Variants in CNTN5 observed in about 807,000 individuals in gnomAD.
The protein encoded by CNTN5 is contactin 5, also known as contactin-5.
CNTN5 carries 77 observed loss-of-function variants against 129.1 expected under a neutral mutation model. The ratio of observed to expected loss-of-function variants is 0.60; its 90% CI spans 0.50 to 0.72. CNTN5 has a LOEUF of 0.72. Among genes scored for constraint, CNTN5 ranks in the 30% least tolerant of loss-of-function variants. CNTN5 has a pLI of 0.00. For synonymous variants in CNTN5, 509 were observed against 465.6 expected (o/e 1.09, Z -1.20); for missense variants, 1,478 against 1,328.8 (o/e 1.11, Z -1.75).
At chr11:99,692,425 C>A (rs676789) in intron 3 of CNTN5, among the ~76,000 whole-genome samples, 86,032 of 151,876 alleles carry the variant, frequency 0.57, 24,658 homozygotes, top group African/African-American at 0.61. Context: ...CTTGTAACAC[C>A]GGTCTGGTGG....
At chr11:99,482,626 AC>A (rs1945644896) in intron 2 of CNTN5, among the ~76,000 whole-genome samples, 1 of 152,178 alleles carries the variant, frequency 6.6e-6, no homozygotes, top group Non-Finnish European at 1.5e-5. Context: ...TGAAATAAAA[AC>A]CGAAATCGCT....
intron 2 of CNTN5, among the ~76,000 whole-genome samples, chr11:99,531,814 C>T (rs1479243912): frequency 2.0e-5 from 3 of 152,160 alleles, no homozygotes; most frequent in South Asian, 4.1e-4. Flanking sequence ...TGGGAAAGTT[C>T]GCTTAGATTT....
chr11:99,979,075 T>C (rs1938177384), intron 8 of CNTN5, among the ~76,000 whole-genome samples: 1 of 152,158 alleles, frequency 6.6e-6, no homozygotes, highest in Admixed American at 6.6e-5. Context: ...GATGTAAAGA[T>C]TAGAATAATT....
intron 18 of CNTN5, among the ~76,000 whole-genome samples, chr11:100,291,338 G>A (rs1950963208): frequency 6.6e-6 from 1 of 151,812 alleles, no homozygotes; most frequent in South Asian, 2.1e-4. Context: ...ATTCACAATA[G>A]CGAAGACTTG....
chr11:100,153,146 C>CAAAT (rs1190696386), intron 13 of CNTN5, among the ~76,000 whole-genome samples: 1 of 152,088 alleles, frequency 6.6e-6, no homozygotes, highest in African/African-American at 2.4e-5. Flanking sequence ...CAGCTAGTAT[C>CAAAT]AAATAATCAA....
chr11:99,736,607 A>G (rs1943719342), intron 3 of CNTN5, among the ~76,000 whole-genome samples: 1 of 152,194 alleles, frequency 6.6e-6, no homozygotes, highest in South Asian at 2.1e-4. Context: ...GGGTAAATGT[A>G]TTACTTGTTT....
intron 3 of CNTN5, among the ~76,000 whole-genome samples, chr11:99,563,399 G>A (rs1243295996): frequency 6.6e-6 from 1 of 152,148 alleles, no homozygotes; most frequent in East Asian, 1.9e-4. Context: ...ACAAAAATTT[G>A]AGGAGGAGTG....
At chr11:99,310,601 G>A (rs1293024304) in intron 1 of CNTN5, among the ~76,000 whole-genome samples, 1 of 151,886 alleles carries the variant, frequency 6.6e-6, no homozygotes, top group Non-Finnish European at 1.5e-5. Context: ...AAATAAATAC[G>A]CCTATAAGCC....
At chr11:99,472,275 T>C (rs1458678491) in intron 2 of CNTN5, among the ~76,000 whole-genome samples, 1 of 152,206 alleles carries the variant, frequency 6.6e-6, no homozygotes, top group Non-Finnish European at 1.5e-5. Flanking sequence ...AAGATTGCTT[T>C]GAAAATGCTG....
intron 3 of CNTN5, among the ~76,000 whole-genome samples, chr11:99,574,222 A>G: frequency 6.6e-6 from 1 of 152,180 alleles, no homozygotes; most frequent in East Asian, 1.9e-4. Context: ...ATGTCCCTGC[A>G]AAGGACACAA....
At chr11:99,812,267 G>A (rs1287696743) in intron 3 of CNTN5, among the ~76,000 whole-genome samples, 1 of 151,968 alleles carries the variant, frequency 6.6e-6, no homozygotes, top group Non-Finnish European at 1.5e-5. Flanking sequence ...ACACCTGTTA[G>A]GAAAATAAAA....
intron 13 of CNTN5, among the ~76,000 whole-genome samples, chr11:100,105,243 G>T (rs1220166223): frequency 8.5e-5 from 13 of 152,170 alleles, no homozygotes; most frequent in Admixed American, 8.5e-4. Flanking sequence ...TGCCTTCAAA[G>T]TTCTGTTATT....
chr11:99,718,301 G>A (rs900498541), intron 3 of CNTN5, among the ~76,000 whole-genome samples: 7 of 152,046 alleles, frequency 4.6e-5, no homozygotes, highest in Non-Finnish European at 5.9e-5. Flanking sequence ...GGCAAGAAAA[G>A]CATTAAAAAT....
intron 1 of CNTN5, among the ~76,000 whole-genome samples, chr11:99,262,025 T>G (rs1284958075): frequency 6.6e-6 from 1 of 152,072 alleles, no homozygotes; most frequent in African/African-American, 2.4e-5. Context: ...TTATTTCTAA[T>G]GTGAACCATA....
At chr11:99,031,691 A>C (rs1863381015) in intron 1 of CNTN5, among the ~76,000 whole-genome samples, 1 of 151,940 alleles carries the variant, frequency 6.6e-6, no homozygotes, top group Non-Finnish European at 1.5e-5. Flanking sequence ...GGTGTCTTTT[A>C]ATCTTTGCTC....
chr11:100,117,008 G>A (rs189400959), intron 13 of CNTN5, among the ~76,000 whole-genome samples: 42 of 152,036 alleles, frequency 2.8e-4, no homozygotes, highest in African/African-American at 9.9e-4. Flanking sequence ...CAGTAAATGT[G>A]TCTATCAAAG....
chr11:100,199,044 T>C (rs1948714339), intron 15 of CNTN5, among the ~76,000 whole-genome samples: 4 of 151,956 alleles, frequency 2.6e-5, no homozygotes, highest in Admixed American at 2.0e-4. Flanking sequence ...GATTGATAAA[T>C]ATTAATTGTG....
intron 6 of CNTN5, among the ~76,000 whole-genome samples, chr11:99,912,501 G>A (rs992741850): frequency 1.3e-5 from 2 of 151,828 alleles, no homozygotes; most frequent in Non-Finnish European, 2.9e-5. Context: ...TTAATATATA[G>A]TATGCATTGA....
chr11:100,133,242 T>C (rs1946428788), intron 13 of CNTN5, among the ~76,000 whole-genome samples: 1 of 152,148 alleles, frequency 6.6e-6, no homozygotes, highest in East Asian at 1.9e-4. Context: ...TCACACAGGC[T>C]GTCAGCTTTT....
Sources: gnomAD v4.1 joint callset for allele counts (sites outside exome capture counted in the v4.1 genomes callset) on GRCh38, gnomAD v4.1.1 for gene constraint, MANE v1.5 for transcripts, NCBI Gene and HGNC (gene_info 2026-07-23, HGNC 2026-07-21) for gene names.